Variants in EYS observed in about 807,000 individuals in gnomAD.
The protein encoded by EYS is protein eyes shut homolog.
In EYS, 250 loss-of-function variants were observed where a neutral mutation model predicts 282.1. The ratio of observed to expected loss-of-function variants is 0.89; its 90% CI spans 0.80 to 0.98. The LOEUF (loss-of-function observed/expected upper bound fraction) is 0.98. Among genes scored for constraint, EYS ranks in the 50% least tolerant of loss-of-function variants. The probability of loss-of-function intolerance (pLI) is 0.00; values close to 1 mark genes in which losing one functional copy is unlikely to be tolerated. For synonymous variants in EYS, 1,355 were observed against 1,282.9 expected (o/e 1.06, Z -1.20); for missense variants, 4,016 against 3,709.0 (o/e 1.08, Z -2.15).
intron 2 of EYS, among the ~76,000 whole-genome samples, chr6:65,519,524 A>G (rs1767268565): frequency 2.0e-5 from 3 of 149,592 alleles, no homozygotes; most frequent in South Asian, 4.2e-4. Flanking sequence ...AAAGGTTAAT[A>G]TAACTTAATA....
chr6:64,178,582 C>A (rs1324702163), intron 31 of EYS, among the ~76,000 whole-genome samples: 4 of 151,982 alleles, frequency 2.6e-5, no homozygotes, highest in African/African-American at 9.7e-5. Flanking sequence ...AGCATCATCT[C>A]CTTACTCTTA....
At chr6:64,512,121 G>T (rs1777429130) in intron 26 of EYS, among the ~76,000 whole-genome samples, 1 of 151,818 alleles carries the variant, frequency 6.6e-6, no homozygotes, top group Non-Finnish European at 1.5e-5. Context: ...ATACATACAT[G>T]CATATATACA....
intron 7 of EYS, among the ~76,000 whole-genome samples, chr6:65,386,645 A>C (rs952254557): frequency 3.3e-5 from 5 of 151,994 alleles, no homozygotes; most frequent in Non-Finnish European, 5.9e-5. Flanking sequence ...AAACTCTGGA[A>C]CAACATGGAC....
rs181504339 is a variant in EYS, at chr6:65,313,475, A to C, written c.1767-17356T>G. ...TACTGTGATCACAGCTGAGCTCCTG[A>C]TCTTGCCTCCAAATACGGTCTTTCT... On this transcript the variant is annotated intron_variant, in intron 11 of 42. Transcript: ENST00000503581. Among the ~76,000 whole-genome samples, 968 of 151,316 alleles carry C rather than the reference A, an allele frequency of 6.4e-3. 12 individuals carry two copies. The highest frequency in any genetic ancestry group is 0.022 in the African/African-American group (917 of 41,196).
chr6:65,382,417 G>T (rs1765648434), intron 8 of EYS, among the ~76,000 whole-genome samples: 1 of 137,060 alleles, frequency 7.3e-6, no homozygotes, highest in South Asian at 2.3e-4. Flanking sequence ...GAATTCAACA[G>T]AAATTTCCCC....
chr6:64,579,788 C>A (rs6901915), intron 26 of EYS, among the ~76,000 whole-genome samples: 1 of 152,078 alleles, frequency 6.6e-6, no homozygotes. Flanking sequence ...CTCTTTCCTA[C>A]GTGAATCCTG....
intron 11 of EYS, among the ~76,000 whole-genome samples, chr6:65,299,929 C>G (rs968941096): frequency 3.3e-5 from 5 of 152,080 alleles, no homozygotes; most frequent in Non-Finnish European, 5.9e-5. Flanking sequence ...TTATATCATT[C>G]TCCCAATATA....
intron 12 of EYS, among the ~76,000 whole-genome samples, chr6:65,166,745 G>A (rs2150224843): frequency 6.6e-6 from 1 of 151,132 alleles, no homozygotes; most frequent in South Asian, 2.1e-4. Flanking sequence ...TCAGAAAAGT[G>A]TAAAGACAAC....
chr6:64,215,936 G>A (rs1421403687), intron 31 of EYS, among the ~76,000 whole-genome samples: 1 of 152,056 alleles, frequency 6.6e-6, no homozygotes, highest in Non-Finnish European at 1.5e-5. Flanking sequence ...AGGTAACCAG[G>A]TTAAGAAATA....
intron 35 of EYS, among the ~76,000 whole-genome samples, chr6:63,978,564 T>G (rs147184767): frequency 1.3e-5 from 2 of 152,068 alleles, no homozygotes; most frequent in Admixed American, 1.3e-4. Flanking sequence ...TAGGGTAGAC[T>G]GCTGAGCTAG....
At chr6:65,271,653 G>A (rs746496207) in intron 12 of EYS, among the ~76,000 whole-genome samples, 3 of 151,814 alleles carry the variant, frequency 2.0e-5, no homozygotes, top group Admixed American at 6.6e-5. Context: ...TATGATCTCG[G>A]CTCACTACAT....
At chr6:65,435,184 A>G (rs1444458134) in intron 5 of EYS, among the ~76,000 whole-genome samples, 3 of 151,958 alleles carry the variant, frequency 2.0e-5, no homozygotes, top group Non-Finnish European at 4.4e-5. Flanking sequence ...ACCTCAAAAA[A>G]CAACATGTTT....
chr6:65,641,316 A>T (rs1767268137), intron 1 of EYS, among the ~76,000 whole-genome samples: 1 of 152,194 alleles, frequency 6.6e-6, no homozygotes, highest in African/African-American at 2.4e-5. Flanking sequence ...AGCCCTATTG[A>T]CCAAGAGTGA....
In EYS at chr6:65,210,931, A is replaced by AACAC. The variant is rs59095242; in HGVS notation, c.2023+84928_2023+84931dup. ...TTTAATTTACCTATAAAGTCGTACA[A>AACAC]ACACACACACACACACACACACACA... On this transcript the variant is annotated intron_variant, in intron 12 of 42. Coordinates refer to ENST00000503581, the MANE Select transcript of EYS (RefSeq NM_001142800.2). Among the ~76,000 whole-genome samples the AACAC allele has an allele frequency of 5.0e-3, 736 of 148,484 alleles. 6 individuals are homozygous for AACAC. Among genetic ancestry groups the AACAC allele is most frequent in the African/African-American group, 0.016 (656 of 40,590 alleles).
chr6:64,556,571 T>C (rs550138972), intron 26 of EYS, among the ~76,000 whole-genome samples: 277 of 152,134 alleles, frequency 1.8e-3, no homozygotes, highest in Non-Finnish European at 3.1e-3. Flanking sequence ...TATACATCTA[T>C]CTAAATTAAT....
At chr6:65,090,637 C>A (rs527343528) in intron 12 of EYS, among the ~76,000 whole-genome samples, 32 of 152,256 alleles carry the variant, frequency 2.1e-4, no homozygotes, top group African/African-American at 7.7e-4. Context: ...AAGGATAAGT[C>A]ATGGGAGCGG....
At chr6:64,644,993 T>C (rs1477933750) in intron 22 of EYS, among the ~76,000 whole-genome samples, 1 of 152,238 alleles carries the variant, frequency 6.6e-6, no homozygotes, top group African/African-American at 2.4e-5. Flanking sequence ...TTTAAATCTC[T>C]AATCACATTT....
intron 31 of EYS, among the ~76,000 whole-genome samples, chr6:64,110,724 G>C (rs982772063): frequency 7.2e-5 from 11 of 151,952 alleles, no homozygotes; most frequent in African/African-American, 2.7e-4. Context: ...AAGAAAATGA[G>C]GTTTGATATT....
chr6:64,480,807 A>G (rs1776414884), intron 26 of EYS, among the ~76,000 whole-genome samples: 1 of 151,764 alleles, frequency 6.6e-6, no homozygotes, highest in Admixed American at 6.6e-5. Context: ...CTGCTGTTAC[A>G]TAAATTCTCA....
Sources: gnomAD v4.1 joint callset for allele counts (sites outside exome capture counted in the v4.1 genomes callset) on GRCh38, gnomAD v4.1.1 for gene constraint, MANE v1.5 for transcripts, NCBI Gene and HGNC (gene_info 2026-07-23, HGNC 2026-07-21) for gene names.